RPL14: variants seen among roughly 807,000 people sequenced by gnomAD.
RPL14 encodes ribosomal protein L14.
Under a neutral mutation model 25.3 loss-of-function variants are expected in RPL14, and 4 were observed. That is an observed-to-expected ratio of 0.16 (90% CI 0.08 to 0.36). The LOEUF is 0.36. Ranked by LOEUF, RPL14 falls within the 10% of genes least tolerant of loss-of-function variation. RPL14 has a pLI of 1.00. For synonymous variants in RPL14, 75 were observed against 89.8 expected (o/e 0.84, Z 0.93); for missense variants, 212 against 261.9 (o/e 0.81, Z 1.31).
At chr3:40,459,874 A>AAAAAAAAAAC (rs1487487888) in intron 3 of RPL14, among the ~76,000 whole-genome samples, 1 of 151,092 alleles carries the variant, frequency 6.6e-6, no homozygotes, top group African/African-American at 2.4e-5. Context: ...AAAAAAAAAA[A>AAAAAAAAAAC]AAAAAACTTA....
chr3:40,461,449 C>T lies in RPL14; in HGVS notation c.243C>T (p.Asp81=). 1 of 1,614,094 alleles carries T rather than the reference C, an allele frequency of 6.2e-7. No individual in the cohort carries two copies. Among genetic ancestry groups the T allele is most frequent in the Non-Finnish European group, 8.5e-7 (1 of 1,180,022 alleles). Residue 81 remains aspartate, a synonymous_variant, in exon 4 of 6, where the codon GAC becomes GAT. Coordinates refer to ENST00000396203, the MANE Select transcript of RPL14 (RefSeq NM_001034996.3). ...TCCGACAAGCCTGGCAGAAGGCAGA[C>T]ATCAATACAAAATGGGCAGCCACAC... ...KYVRQAWQKA[D]INTKWAATRW... is the part of the protein sequence containing the mutation.
chr3:40,464,498 T>G lies in RPL14; in HGVS notation c.*2266T>G. Reference sequence around the variant, plus strand: ...GTGTAAGGGGAAGAATGACACGAGATAGGAAATAAACGAACTGATAGTGTA... The same window carrying G: ...GTGTAAGGGGAAGAATGACACGAGAGAGGAAATAAACGAACTGATAGTGTA... On this transcript the variant is annotated 3_prime_UTR_variant, in exon 6 of 6. Transcript: ENST00000396203. 2.2e-6 allele frequency: 1 copy of G among 455,784 alleles called. No homozygotes were observed. Among genetic ancestry groups the G allele is most frequent in the Non-Finnish European group, 4.4e-6 (1 of 226,752 alleles). 28.2% of individuals were successfully genotyped at this position (455,784 alleles called of 1,614,324 possible).
rs1274416342 is a variant in RPL14, at chr3:40,462,481, A to G, written c.*249A>G. 5.9e-6 allele frequency: 2 copies of G among 340,126 alleles called. No homozygotes were observed. Among genetic ancestry groups the G allele is most frequent in the East Asian group, 6.0e-5 (1 of 16,754 alleles). The allele number at this position is 340,126 out of a possible 1,614,324, so 21.1% of individuals were successfully genotyped here. On this transcript the variant is annotated 3_prime_UTR_variant, in exon 6 of 6. Coordinates refer to ENST00000396203, the MANE Select transcript of RPL14 (RefSeq NM_001034996.3). ...AAGTTCCACCTCCCGGGTTCATGCC[A>G]TTCTCCTGCCTCAGCCTCCTGAGCA... is the stretch of plus-strand genomic sequence containing the variant.
rs190418162 is a variant in RPL14, at chr3:40,463,285, C to T, written c.*1053C>T. The T allele has an allele frequency of 1.2e-3, 176 of 152,636 alleles. 2 individuals carry two copies. Among genetic ancestry groups the T allele is most frequent in the Non-Finnish European group, 1.3e-3 (92 of 68,288 alleles). The allele number at this position is 152,636 out of a possible 1,614,324, so 9.5% of individuals were successfully genotyped here. A position where few individuals can be genotyped will look rare whatever the true frequency, so the allele number is the denominator to read the frequency against. The stretch of plus-strand genomic sequence containing the variant: ...GCAGTGGCACGATCTTGGCTCAGCG[C>T]AACCTCTGCCTCCTGGGCTCAAGCG... On this transcript the variant is annotated 3_prime_UTR_variant, in exon 6 of 6. Coordinates refer to ENST00000396203, the MANE Select transcript of RPL14 (RefSeq NM_001034996.3).
rs1376128465 is a variant in RPL14, at chr3:40,462,734, C to T, written c.*502C>T. ...CATACTTGGATAGGTAGTGCAAAAT[C>T]ATTGCAGTCATAATTGATCATGTCA... On this transcript the variant is annotated 3_prime_UTR_variant, in exon 6 of 6. Coordinates refer to ENST00000396203, the MANE Select transcript of RPL14 (RefSeq NM_001034996.3). 1 of 153,198 alleles carries T rather than the reference C, an allele frequency of 6.5e-6. No homozygotes were observed. The highest frequency in any genetic ancestry group is 1.5e-5 in the Non-Finnish European group (1 of 68,802). The allele number at this position is 153,198 out of a possible 1,614,324, so 9.5% of individuals were successfully genotyped here. A position where few individuals can be genotyped will look rare whatever the true frequency, so the allele number is the denominator to read the frequency against.
At position 40,465,926 on chromosome 3, in the gene RPL14, C is replaced by T. The variant is rs1378280115; in HGVS notation, c.*3694C>T. 1 of 152,260 alleles carries T rather than the reference C, an allele frequency of 6.6e-6. No individual in the cohort carries two copies. The highest frequency in any genetic ancestry group is 1.5e-5 in the Non-Finnish European group (1 of 68,094). 9.4% of individuals were successfully genotyped at this position (152,260 alleles called of 1,614,324 possible). On this transcript the variant is annotated 3_prime_UTR_variant, in exon 6 of 6. Transcript: ENST00000396203. The stretch of plus-strand genomic sequence containing the variant: ...AGATTTGAGGCCGGGCACTGTGGCT[C>T]ACACCTGTAATCCCAGCACTATGGG...
Position 40,466,172 on chromosome 3 carries a change from C to G in RPL14, c.*3940C>G, listed in dbSNP as rs1056822813. The G allele has an allele frequency of 6.6e-6, 1 of 151,848 alleles. No individual in the cohort carries two copies. Among genetic ancestry groups the G allele is most frequent in the Non-Finnish European group, 1.5e-5 (1 of 68,060 alleles). 9.4% of individuals were successfully genotyped at this position (151,848 alleles called of 1,614,324 possible). ...CGCCATAGCACTCCAGCTTGGGCGA[C>G]AGAGGGAGACTCTGTCTCAAAAAAA... On this transcript the variant is annotated 3_prime_UTR_variant, in exon 6 of 6. Coordinates refer to ENST00000396203, the MANE Select transcript of RPL14 (RefSeq NM_001034996.3).
In RPL14 at chr3:40,457,450, C is replaced by A; in HGVS notation, c.-22C>A. ...TGGGAAGCTGAGGCGCCAAACGGCTCCCAGAGGGTCCCGGGAAGCGCATGG... is the reference window on the plus strand; with the variant it reads ...TGGGAAGCTGAGGCGCCAAACGGCTACCAGAGGGTCCCGGGAAGCGCATGG... On this transcript the variant is annotated 5_prime_UTR_variant, in exon 1 of 6. Coordinates refer to ENST00000396203, the MANE Select transcript of RPL14 (RefSeq NM_001034996.3). The A allele has an allele frequency of 6.3e-7, 1 of 1,575,070 alleles. No homozygotes were observed. The highest frequency in any genetic ancestry group is 8.6e-7 in the Non-Finnish European group (1 of 1,160,636).
chr3:40,459,464 TA>T (rs1290233689), intron 3 of RPL14, among the ~76,000 whole-genome samples: 2 of 152,236 alleles, frequency 1.3e-5, no homozygotes, highest in Non-Finnish European at 2.9e-5. Flanking sequence ...ACATGAAAAT[TA>T]AAACACTTTA....
Position 40,457,932 on chromosome 3 carries a change from T to C in RPL14, c.46T>C (p.Ser16Pro). Residue 16 changes from serine (S) to proline (P), a missense_variant, in exon 2 of 6, where the codon TCC becomes CCC. By Grantham distance (74) the Ser-to-Pro change is moderately conservative. This residue lies in a region of RPL14 where 143 missense variants were observed against 180.3 expected (regional missense o/e 0.79). Coordinates refer to ENST00000396203, the MANE Select transcript of RPL14 (RefSeq NM_001034996.3). ...GGAGGTTGGCCGGGTGGCCTATGTC[T>C]CCTTTGGACCTCATGCCGGAAAATT... ...FVEVGRVAYVSFGPHAGKLVA... is the reference protein window; with the variant it reads ...FVEVGRVAYVPFGPHAGKLVA... 1 of 1,614,244 alleles carries C rather than the reference T, an allele frequency of 6.2e-7. No individual in the cohort carries two copies.
At chr3:40,458,899 C>T (rs946185606) in intron 3 of RPL14, 163 bp downstream of exon 3, 23 of 623,694 alleles carry the variant, frequency 3.7e-5, no homozygotes, top group African/African-American at 1.3e-4. Flanking sequence ...GTCTTGCCTG[C>T]GCGTGATAGC....
At chr3:40,459,723 G>T (rs1696903049) in intron 3 of RPL14, among the ~76,000 whole-genome samples, 1 of 152,034 alleles carries the variant, frequency 6.6e-6, no homozygotes, top group Non-Finnish European at 1.5e-5. Context: ...TCCGGGCATG[G>T]TGGCGGACAC....
chr3:40,458,812 CAA>C, intron 3 of RPL14, 76 bp downstream of exon 3: 2 of 1,126,422 alleles, frequency 1.8e-6, no homozygotes, highest in Non-Finnish European at 2.7e-6. Flanking sequence ...TTGGAGTAAA[CAA>C]TACGGAAGAT....
At chr3:40,460,468 A>G (rs1303628008) in intron 3 of RPL14, among the ~76,000 whole-genome samples, 4 of 151,972 alleles carry the variant, frequency 2.6e-5, no homozygotes, top group Non-Finnish European at 4.4e-5. Context: ...CAGTGAGCCA[A>G]CGTTGCGCCA....
Position 40,463,590 on chromosome 3 carries a change from TCTAACCTCTGAAA to T in RPL14, c.*1361_*1373del, listed in dbSNP as rs1696982089. The T allele has an allele frequency of 6.6e-6, 1 of 152,166 alleles. No homozygotes were observed. Among genetic ancestry groups the T allele is most frequent in the South Asian group, 2.1e-4 (1 of 4,832 alleles). The allele number at this position is 152,166 out of a possible 1,614,324, so 9.4% of individuals were successfully genotyped here. The stretch of plus-strand genomic sequence containing the variant: ...TGAGCATATTTCTAATCCAAAAAGC[TCTAACCTCTGAAA>T]CTGAGCTATGACACTACAATTTAAA... On this transcript the variant is annotated 3_prime_UTR_variant, in exon 6 of 6. Transcript: ENST00000396203.
rs199813795 is a variant in RPL14, at chr3:40,461,919, C to A, written c.355-20C>A. On this transcript the variant is annotated intron_variant, in intron 5 of 5. Coordinates refer to ENST00000396203, the MANE Select transcript of RPL14 (RefSeq NM_001034996.3). ...TGTATGTATACACAATAAGTGCTTT[C>A]TTACATTGATAATTTTCAGAGGAAC... 1.8e-5 allele frequency: 28 copies of A among 1,583,372 alleles called. No homozygotes were observed. In the East Asian group the frequency reaches 5.1e-4, roughly 29 times the overall value.
At chr3:40,459,858 C>CGAA (rs757780934) in intron 3 of RPL14, among the ~76,000 whole-genome samples, 59 of 90,956 alleles carry the variant, frequency 6.5e-4, no homozygotes, top group African/African-American at 2.7e-3. Flanking sequence ...GACTCCGTTT[C>CGAA]AAAAAAAAAA....
chr3:40,458,717 A>C lies in RPL14; in HGVS notation c.181A>C (p.Ile61Leu). Residue 61 changes from isoleucine to leucine, a missense_variant, in exon 3 of 6, where the codon ATC becomes CTC. Ile to Leu is a conservative substitution (Grantham distance 5, BLOSUM62 2). Around this residue, in one of 3 missense-constraint regions of RPL14, gnomAD observed 143 missense variants for 180.3 expected, o/e 0.79. Coordinates refer to ENST00000396203, the MANE Select transcript of RPL14 (RefSeq NM_001034996.3). ...PFKCMQLTDF[I>L]LKFPHSAHQK... is the part of the protein sequence containing the mutation. ...CAAGTGCATGCAGCTCACTGATTTC[A>C]TCCTCAAGTTTCCGCACAGGTAACT... 6.2e-7 allele frequency: 1 copy of C among 1,614,006 alleles called. No homozygotes were observed. Among genetic ancestry groups the C allele is most frequent in the Non-Finnish European group, 8.5e-7 (1 of 1,179,890 alleles).
rs768468053 is a variant in RPL14, at chr3:40,458,747, A to G, written c.200+11A>G. ...CAAGTTTCCGCACAGGTAACTGTCC[A>G]CTAATCACTCCTCCCTCCCATCCCC... On this transcript the variant is annotated intron_variant, in intron 3 of 5. Transcript: ENST00000396203. 5 of 1,607,380 alleles carry G rather than the reference A, an allele frequency of 3.1e-6. No homozygotes were observed. Among genetic ancestry groups the G allele is most frequent in the African/African-American group, 2.7e-5 (2 of 74,790 alleles).
Sources: gnomAD v4.1 joint callset for allele counts (sites outside exome capture counted in the v4.1 genomes callset) on GRCh38, gnomAD v4.1.1 for gene constraint, gnomAD v4.1.1 regional missense constraint, MANE v1.5 for transcripts, NCBI Gene and HGNC (gene_info 2026-07-23, HGNC 2026-07-21) for gene names.